Variants in NLRP6 observed in about 807,000 individuals in gnomAD.
NLRP6 encodes NACHT, LRR and PYD domains-containing protein 6.
Under a neutral mutation model 70.9 loss-of-function variants are expected in NLRP6, and 55 were observed. The observed-to-expected ratio is 0.78, with a 90% confidence interval of 0.62 to 0.97. The LOEUF (loss-of-function observed/expected upper bound fraction) is 0.97. Among genes scored for constraint, NLRP6 ranks in the 50% least tolerant of loss-of-function variants. The pLI is 0.00. For missense variants in NLRP6, 1,241 were observed against 1,238.3 expected (o/e 1.00, Z -0.03); for synonymous variants, 652 against 581.9 (o/e 1.12, Z -1.73).
In NLRP6 at chr11:278,556, G is replaced by A; in HGVS notation, c.-14G>A. 6.3e-7 allele frequency: 1 copy of A among 1,586,134 alleles called. No individual in the cohort carries two copies. Among genetic ancestry groups the A allele is most frequent in the Non-Finnish European group, 8.6e-7 (1 of 1,167,206 alleles). On this transcript the variant is annotated 5_prime_UTR_variant, in exon 1 of 8. Coordinates refer to ENST00000534750, the MANE Select transcript of NLRP6 (RefSeq NM_001276700.2). This position sits in a 1 kb window ranked among gnomAD's most constrained non-coding sequence, Gnocchi z 4.7. Reference sequence around the variant, plus strand: ...TCTGCCCCGGAGTGCTAGACCCAGGGAGGAAGAGACCCCATGGACCAGCCA... The same window carrying A: ...TCTGCCCCGGAGTGCTAGACCCAGGAAGGAAGAGACCCCATGGACCAGCCA...
At chr11:285,105 C>CGT in intron 7 of NLRP6, 61 bp from the exon 8 acceptor site, 4 of 1,528,738 alleles carry the variant, frequency 2.6e-6, no homozygotes, top group Non-Finnish European at 1.8e-6. Context: ...CGGCACTGCC[C>CGT]CCAAGCCCTG....
chr11:281,792 G>A lies in NLRP6; in HGVS notation c.2058G>A (p.Lys686=), dbSNP rs757371774. 2.5e-6 allele frequency: 4 copies of A among 1,601,196 alleles called. No individual in the cohort carries two copies. The South Asian group carries it at 4.4e-5, about 18-fold the overall frequency. The change falls in exon 4 of 8, where the codon AAG becomes AAA. Residue 686 remains lysine (K), a synonymous_variant. Coordinates refer to ENST00000534750, the MANE Select transcript of NLRP6 (RefSeq NM_001276700.2). ...GATTGGTTGCTGCGCAGGAGAAGAA[G>A]AAGAAGAGCCTGGGGAAGCGGCTCC... is the stretch of plus-strand genomic sequence containing the variant. The part of the protein sequence containing the change: ...SCRLVAAQEK[K]KKSLGKRLQA...
Position 284,239 on chromosome 11 carries a change from C to A in NLRP6, c.2208C>A (p.His736Gln), listed in dbSNP as rs765331758. ...TGCTTCTTGACCACAGGCTGTCCCA[C>A]TGCAAACTCCCTGACGCGGTCTGCC... ...LCHLSSLTLS[H>Q]CKLPDAVCRD... Residue 736 changes from histidine to glutamine, a missense_variant, in exon 6 of 8, where the codon CAC (histidine) becomes CAA (glutamine). Physicochemically the swap from His to Gln is conservative, Grantham distance 24. Coordinates refer to ENST00000534750, the MANE Select transcript of NLRP6 (RefSeq NM_001276700.2). The A allele has an allele frequency of 1.4e-5, 22 of 1,613,176 alleles. No individual in the cohort carries two copies. Among genetic ancestry groups the A allele is most frequent in the Non-Finnish European group, 1.9e-5 (22 of 1,179,994 alleles).
intron 5 of NLRP6, among the ~76,000 whole-genome samples, chr11:283,963 T>C (rs1354053280): frequency 6.6e-6 from 1 of 151,818 alleles, no homozygotes; most frequent in Non-Finnish European, 1.5e-5. Flanking sequence ...CTCATCTTGG[T>C]GGACGATTGT....
rs6598047 is a variant in NLRP6, at chr11:284,538, T to C, written c.2433T>C (p.Pro811=). ...TGGTGGGTATGCTTCGGCAGAGCCC[T>C]GCCCTGACCACCCTGGATCTCAGCG... ...QYLVGMLRQS[P]ALTTLDLSGC... is the part of the protein sequence containing the mutation. Residue 811 remains proline, a synonymous_variant, in exon 7 of 8, where the codon CCT becomes CCC. Coordinates refer to ENST00000534750, the MANE Select transcript of NLRP6 (RefSeq NM_001276700.2). 0.71 allele frequency: 1,148,192 copies of C among 1,611,984 alleles called. 419,095 individuals carry two copies. The highest frequency in any genetic ancestry group is 0.75 in the Non-Finnish European group (888,987 of 1,179,310).
chr11:284,151 C>A, intron 5 of NLRP6, 79 bp from the exon 6 acceptor site: 2 of 1,318,772 alleles, frequency 1.5e-6, no homozygotes, highest in Non-Finnish European at 2.2e-6. Context: ...GGCCACCGGG[C>A]AGCGGGCATT....
rs1275586326 is a variant in NLRP6 at position 281,054 on chromosome 11, C to T, written c.1320C>T (p.Gly440=). 6.2e-7 allele frequency: 1 copy of T among 1,612,960 alleles called. No homozygotes were observed. Among genetic ancestry groups the T allele is most frequent in the East Asian group, 2.2e-5 (1 of 44,888 alleles). The change falls in exon 4 of 8, where the codon GGC becomes GGT. Residue 440 remains glycine (G), a synonymous_variant. Transcript: ENST00000534750. The part of the protein sequence containing the change: ...APVADGPRLQ[G]DLRNLCRLAR... Reference sequence around the variant, plus strand: ...TAGCCGACGGGCCCCGGTTGCAGGGCGACCTGCGCAATCTGTGCCGCCTGG... The same window carrying T: ...TAGCCGACGGGCCCCGGTTGCAGGGTGACCTGCGCAATCTGTGCCGCCTGG...
At chr11:285,042 C>G (rs1242174304) in intron 7 of NLRP6, 124 bp from the exon 8 acceptor site, 3 of 772,666 alleles carry the variant, frequency 3.9e-6, no homozygotes, top group African/African-American at 1.7e-5. Flanking sequence ...CTGCCCGCAG[C>G]CCGGCCACCC....
At position 284,413 on chromosome 11, in the gene NLRP6, C is replaced by T; in HGVS notation, c.2369+13C>T. ...TGCAGACGGTCAGGTGAGGCCTGGC[C>T]TGGGAGGGACCGTGGGATGCCCCCG... is the stretch of plus-strand genomic sequence containing the variant. On this transcript the variant is annotated intron_variant, in intron 6 of 7. Coordinates refer to ENST00000534750, the MANE Select transcript of NLRP6 (RefSeq NM_001276700.2). 1 of 1,599,766 alleles carries T rather than the reference C, an allele frequency of 6.3e-7. No individual in the cohort carries two copies. The highest frequency in any genetic ancestry group is 1.1e-5 in the South Asian group (1 of 90,754).
rs1481405216 is a variant in NLRP6, at chr11:281,550, C to G, written c.1816C>G (p.Pro606Ala). The G allele has an allele frequency of 6.2e-7, 1 of 1,610,698 alleles. No homozygotes were observed. Among genetic ancestry groups the G allele is most frequent in the Admixed American group, 1.7e-5 (1 of 59,830 alleles). Residue 606 changes from proline (P) to alanine (A), a missense_variant, in exon 4 of 8, where the codon CCA (proline) becomes GCA (alanine). Pro to Ala is a conservative substitution (Grantham distance 27). Transcript: ENST00000534750. ...GAKGLEDTEE[P>A]EEEEEGEEPN... ...CAAAGGGCTCGAGGACACCGAAGAG[C>G]CAGAGGAGGAGGAGGAGGGAGAGGA...
chr11:285,338 A>G lies in NLRP6; in HGVS notation c.*34A>G, dbSNP rs745878245. On this transcript the variant is annotated 3_prime_UTR_variant, in exon 8 of 8. Transcript: ENST00000534750. ...TGGCCAGAGCAGGGTGGAAGACCCT[A>G]GTCAAAGTCCCTGTGGAGAGAACGG... 6 of 1,597,556 alleles carry G rather than the reference A, an allele frequency of 3.8e-6. No individual in the cohort carries two copies. The highest frequency in any genetic ancestry group is 5.1e-6 in the Non-Finnish European group (6 of 1,170,332).
At chr11:282,658 C>A in intron 4 of NLRP6, 47 bp from the exon 5 acceptor site, 1 of 1,434,142 alleles carries the variant, frequency 7.0e-7, no homozygotes, top group Non-Finnish European at 9.8e-7. Flanking sequence ...TTCCGGCAGG[C>A]ACTGTGAGGA....
chr11:281,825 C>G lies in NLRP6; in HGVS notation c.2091C>G (p.Ser697Arg). 1 of 1,579,290 alleles carries G rather than the reference C, an allele frequency of 6.3e-7. No homozygotes were observed. The highest frequency in any genetic ancestry group is 8.6e-7 in the Non-Finnish European group (1 of 1,166,798). The change falls in exon 4 of 8, where the codon AGC becomes AGG. Residue 697 changes from serine to arginine, a missense_variant. Coordinates refer to ENST00000534750, the MANE Select transcript of NLRP6 (RefSeq NM_001276700.2). Reference protein sequence around the residue: ...KKSLGKRLQASLGGGSSQGTT... With the variant: ...KKSLGKRLQARLGGGSSQGTT... ...GCCTGGGGAAGCGGCTCCAGGCCAG[C>G]CTGGGTGGCGGCAGGTGCGTCTCCA...
Position 284,383 on chromosome 11 carries a change from C to T in NLRP6, c.2352C>T (p.Cys784=), listed in dbSNP as rs1387673286. 6.2e-7 allele frequency: 1 copy of T among 1,600,896 alleles called. No homozygotes were observed. The highest frequency in any genetic ancestry group is 1.1e-5 in the South Asian group (1 of 90,644). Reference sequence around the variant, plus strand: ...GTGAGGGCCTAGCCTGGCCGCAGTGCAGGGTGCAGACGGTCAGGTGAGGCC... The same window carrying T: ...GTGAGGGCCTAGCCTGGCCGCAGTGTAGGGTGCAGACGGTCAGGTGAGGCC... ...MLSEGLAWPQ[C]RVQTVRVQLP... is the part of the protein sequence containing the mutation. The change falls in exon 6 of 8, where the codon TGC becomes TGT. Residue 784 remains cysteine, a synonymous_variant. Coordinates refer to ENST00000534750, the MANE Select transcript of NLRP6 (RefSeq NM_001276700.2).
intron 3 of NLRP6, 43 bp downstream of exon 3, chr11:279,915 T>C: frequency 6.7e-7 from 1 of 1,484,436 alleles, no homozygotes; most frequent in South Asian, 1.4e-5. Flanking sequence ...CCAACCCCAC[T>C]TGGAGGGTCC....
chr11:282,964 AG>A (rs1185645926), intron 5 of NLRP6, among the ~76,000 whole-genome samples, 167 bp downstream of exon 5: 10 of 152,198 alleles, frequency 6.6e-5, no homozygotes, highest in African/African-American at 2.2e-4. Flanking sequence ...CAGAGGGAGG[AG>A]GGGATGAGGG....
chr11:284,734 G>C (rs756567094), intron 7 of NLRP6, 92 bp downstream of exon 7: 205 of 1,283,412 alleles, frequency 1.6e-4, no homozygotes, highest in Non-Finnish European at 2.0e-4. Context: ...ACCCTGAAGA[G>C]GGGCCCCTCC....
chr11:285,030 C>A, intron 7 of NLRP6, 136 bp from the exon 8 acceptor site: 1 of 692,988 alleles, frequency 1.4e-6, no homozygotes, highest in South Asian at 1.8e-5. Context: ...ACAGCCCAGT[C>A]ACTGCCCGCA....
Position 284,249 on chromosome 11 carries a change from C to T in NLRP6, c.2218C>T (p.Pro740Ser). ...SSLTLSHCKLPDAVCRDLSEA... is the reference protein window; with the variant it reads ...SSLTLSHCKLSDAVCRDLSEA... ...CCACAGGCTGTCCCACTGCAAACTCCCTGACGCGGTCTGCCGAGACCTTTC... is the reference window on the plus strand; with the variant it reads ...CCACAGGCTGTCCCACTGCAAACTCTCTGACGCGGTCTGCCGAGACCTTTC... The change falls in exon 6 of 8, where the codon CCT becomes TCT. Residue 740 changes from proline (P) to serine (S), a missense_variant. By Grantham distance (74) the Pro-to-Ser change is moderately conservative (BLOSUM62 -1). Coordinates refer to ENST00000534750, the MANE Select transcript of NLRP6 (RefSeq NM_001276700.2). The T allele has an allele frequency of 6.2e-7, 1 of 1,613,262 alleles. No homozygotes were observed. Among genetic ancestry groups the T allele is most frequent in the Non-Finnish European group, 8.5e-7 (1 of 1,179,986 alleles).
Sources: allele counts gnomAD v4.1 joint callset (sites outside exome capture counted in the v4.1 genomes callset), GRCh38; gene constraint gnomAD v4.1.1; non-coding constraint Gnocchi (gnomAD v3.1); transcripts MANE v1.5; gene names NCBI Gene and HGNC (gene_info 2026-07-23, HGNC 2026-07-21).